PDE3B: variants seen among roughly 807,000 people sequenced by gnomAD.
The protein encoded by PDE3B is cGMP-inhibited 3',5'-cyclic phosphodiesterase 3B.
A neutral mutation model predicts 116.8 loss-of-function variants in PDE3B; 66 were observed. The observed-to-expected ratio is 0.56, with a 90% CI of 0.46 to 0.69. The LOEUF is 0.69. Among genes scored for constraint, PDE3B ranks in the 30% least tolerant of loss-of-function variants. The pLI, the probability that PDE3B is intolerant of heterozygous loss-of-function variation, is 0.00. For synonymous variants in PDE3B, 595 were observed against 533.6 expected, an observed-to-expected ratio of 1.12 and a Z score of -1.59; for missense variants, 1,384 against 1,368.1, an observed-to-expected ratio of 1.01 and a Z score of -0.18.
chr11:14,727,304 AT>A, intron 1 of PDE3B, among the ~76,000 whole-genome samples: 1 of 152,256 alleles, frequency 6.6e-6, no homozygotes, highest in Non-Finnish European at 1.5e-5. Context: ...TTTTGAAGAA[AT>A]TTACATTTTT....
chr11:14,667,002 T>C (rs1361222094), intron 1 of PDE3B, among the ~76,000 whole-genome samples: 2 of 151,882 alleles, frequency 1.3e-5, no homozygotes, highest in Admixed American at 1.3e-4. Flanking sequence ...TATTGCGGCA[T>C]TATTCACAAT....
At chr11:14,679,460 G>C (rs1454712136) in intron 1 of PDE3B, among the ~76,000 whole-genome samples, 1 of 152,060 alleles carries the variant, frequency 6.6e-6, no homozygotes, top group African/African-American at 2.4e-5. Flanking sequence ...AAGACACCAA[G>C]AACCTAGACG....
intron 15 of PDE3B, 93 bp downstream of exon 15, chr11:14,867,851 A>T (rs1272846816): frequency 4.4e-6 from 5 of 1,135,678 alleles, no homozygotes; most frequent in Non-Finnish European, 6.1e-6. Flanking sequence ...CAAAATCCAA[A>T]ATTTTTTGAG....
intron 1 of PDE3B, among the ~76,000 whole-genome samples, chr11:14,690,534 G>A (rs968716092): frequency 5.3e-5 from 8 of 150,762 alleles, no homozygotes; most frequent in African/African-American, 1.9e-4. Flanking sequence ...TTCTTGTGAT[G>A]TTTATGATGC....
intron 5 of PDE3B, among the ~76,000 whole-genome samples, chr11:14,816,788 C>G (rs770753727): frequency 6.6e-6 from 1 of 152,214 alleles, no homozygotes; most frequent in African/African-American, 2.4e-5. Context: ...TTATTCTCAA[C>G]TTGCTTAAAT....
intron 1 of PDE3B, among the ~76,000 whole-genome samples, chr11:14,740,488 C>A (rs1448421319): frequency 6.6e-6 from 1 of 152,070 alleles, no homozygotes; most frequent in Non-Finnish European, 1.5e-5. Flanking sequence ...TGATTCTTCT[C>A]TCTTTTCATC....
chr11:14,686,983 G>A (rs1854897502), intron 1 of PDE3B, among the ~76,000 whole-genome samples: 2 of 152,122 alleles, frequency 1.3e-5, no homozygotes, highest in African/African-American at 2.4e-5. Context: ...AAAGTGCTGG[G>A]ATTACAGGCG....
At chr11:14,778,060 G>A (rs938415867) in intron 2 of PDE3B, among the ~76,000 whole-genome samples, 5 of 152,078 alleles carry the variant, frequency 3.3e-5, no homozygotes, top group Non-Finnish European at 7.4e-5. Flanking sequence ...ACGGAACCTC[G>A]CTCATTGCTA....
chr11:14,893,405 T>C, the PDE3B span, among the ~76,000 whole-genome samples: 17 of 152,336 alleles, frequency 1.1e-4, no homozygotes, highest in Middle Eastern at 3.4e-3. Flanking sequence ...AGTGTATTTG[T>C]TTCCTACTAC....
chr11:14,745,862 T>A (rs1856897635), intron 1 of PDE3B, among the ~76,000 whole-genome samples: 1 of 152,220 alleles, frequency 6.6e-6, no homozygotes, highest in East Asian at 1.9e-4. Flanking sequence ...GACCTGAATC[T>A]GAATCAGGTA....
chr11:14,673,531 G>A (rs778475921), intron 1 of PDE3B: 17 of 411,016 alleles, frequency 4.1e-5, no homozygotes, highest in Non-Finnish European at 8.2e-5. Flanking sequence ...GATAGACTAA[G>A]AACAAAAATG....
chr11:14,770,896 C>CA (rs1321241877), intron 1 of PDE3B, among the ~76,000 whole-genome samples: 1 of 151,528 alleles, frequency 6.6e-6, no homozygotes, highest in East Asian at 1.9e-4. Flanking sequence ...GTCCACTGAC[C>CA]AAATGCTGCC....
intron 1 of PDE3B, among the ~76,000 whole-genome samples, chr11:14,752,858 A>G (rs952852837): frequency 6.7e-6 from 1 of 149,244 alleles, no homozygotes; most frequent in Non-Finnish European, 1.5e-5. Flanking sequence ...CCTCTTTTCC[A>G]CTTCTTCTAA....
intron 1 of PDE3B, among the ~76,000 whole-genome samples, chr11:14,712,628 C>T (rs1855743820): frequency 1.3e-5 from 2 of 151,944 alleles, no homozygotes; most frequent in Non-Finnish European, 2.9e-5. Context: ...GTGCACAGCA[C>T]CACACCCAGC....
At chr11:14,834,946 G>A in intron 10 of PDE3B, 36 bp from the exon 11 acceptor site, 1 of 1,195,366 alleles carries the variant, frequency 8.4e-7, no homozygotes, top group Non-Finnish European at 1.2e-6. Context: ...AATGTTGTGT[G>A]TTAAACCTAA....
intron 5 of PDE3B, among the ~76,000 whole-genome samples, chr11:14,805,967 G>A (rs930939596): frequency 6.6e-6 from 1 of 152,190 alleles, no homozygotes; most frequent in African/African-American, 2.4e-5. Flanking sequence ...AGTTAGAATG[G>A]CGATCACTAA....
chr11:14,895,666 C>A, the PDE3B span, among the ~76,000 whole-genome samples: 1 of 152,152 alleles, frequency 6.6e-6, no homozygotes, highest in Non-Finnish European at 1.5e-5. Flanking sequence ...AGATTAGGAA[C>A]CTTATGAAAG....
At chr11:14,878,470 A>G in the PDE3B span, among the ~76,000 whole-genome samples, 5 of 152,160 alleles carry the variant, frequency 3.3e-5, no homozygotes, top group African/African-American at 1.2e-4. Flanking sequence ...CACTTCAGCA[A>G]GCAGAACCCA....
chr11:14,713,518 G>A (rs906999213), intron 1 of PDE3B, among the ~76,000 whole-genome samples: 1 of 152,074 alleles, frequency 6.6e-6, no homozygotes, highest in African/African-American at 2.4e-5. Flanking sequence ...GGCCCTTCCT[G>A]GGTCCCAAGC....
Sources: allele counts gnomAD v4.1 joint callset (sites outside exome capture counted in the v4.1 genomes callset), GRCh38; gene constraint gnomAD v4.1.1; transcripts MANE v1.5; gene names NCBI Gene and HGNC (gene_info 2026-07-23, HGNC 2026-07-21).